Variants in DTNA observed in about 807,000 individuals in gnomAD.
DTNA encodes the protein dystrophin-related protein 3.
DTNA carries 43 observed loss-of-function variants against 100.7 expected under a neutral mutation model. The observed-to-expected ratio is 0.43, with a 90% CI of 0.33 to 0.55. The LOEUF (loss-of-function observed/expected upper bound fraction) is 0.55, where lower values mean the gene tolerates loss of function less well. DTNA is among the 20% of genes least tolerant of loss of function. DTNA has a pLI of 0.04. For missense variants in DTNA, 798 were observed against 953.9 expected (o/e 0.84, Z 2.15); for synonymous variants, 349 against 347.9 (o/e 1.00, Z -0.04).
chr18:34,583,154 T>C (rs969005145), intron 1 of DTNA, among the ~76,000 whole-genome samples: 1 of 152,202 alleles, frequency 6.6e-6, no homozygotes, highest in Admixed American at 6.5e-5. Flanking sequence ...ATGGAAGTCT[T>C]AATATAGGGA....
At chr18:34,559,518 A>G (rs985854464) in intron 1 of DTNA, among the ~76,000 whole-genome samples, 1 of 152,242 alleles carries the variant, frequency 6.6e-6, no homozygotes, top group African/African-American at 2.4e-5. Flanking sequence ...TATGTCTAAT[A>G]CTACGAAGAG....
At chr18:34,564,133 A>G (rs2046879766) in intron 1 of DTNA, among the ~76,000 whole-genome samples, 1 of 151,950 alleles carries the variant, frequency 6.6e-6, no homozygotes, top group Non-Finnish European at 1.5e-5. Flanking sequence ...CCCTTCGACC[A>G]ACATGTCCGT....
At chr18:34,792,709 G>A (rs1160708166) in intron 3 of DTNA, among the ~76,000 whole-genome samples, 1 of 152,202 alleles carries the variant, frequency 6.6e-6, no homozygotes, top group Non-Finnish European at 1.5e-5. Flanking sequence ...CTGCTGATGG[G>A]AATGTAAGAT....
Position 34,638,209 on chromosome 18 carries a change from G to A in DTNA, c.-1-117767G>A, listed in dbSNP as rs560905912. On this transcript the variant is annotated intron_variant, in intron 1 of 19. Coordinates refer to the DTNA transcript ENST00000283365. Reference sequence around the variant, plus strand: ...TCTGATGAACACTTTATTCTCTTAGGTATCCAAATACCCTAAGTGGAATTA... The same window carrying A: ...TCTGATGAACACTTTATTCTCTTAGATATCCAAATACCCTAAGTGGAATTA... Among the ~76,000 whole-genome samples, 96 of 152,218 alleles carry A rather than the reference G, an allele frequency of 6.3e-4. 1 individual carries two copies. Among genetic ancestry groups the A allele is most frequent in the Non-Finnish European group, 1.2e-3 (82 of 68,006 alleles).
intron 1 of DTNA, among the ~76,000 whole-genome samples, chr18:34,705,191 C>T (rs2081959659): frequency 6.6e-6 from 1 of 152,148 alleles, no homozygotes; most frequent in Non-Finnish European, 1.5e-5. Flanking sequence ...TTGTTTCCCA[C>T]AGAACAGATT....
chr18:34,539,880 T>G (rs2044082218), intron 1 of DTNA, among the ~76,000 whole-genome samples: 1 of 151,922 alleles, frequency 6.6e-6, no homozygotes, highest in Non-Finnish European at 1.5e-5. Flanking sequence ...AAAGATTTTT[T>G]CTACTTAAAT....
intron 1 of DTNA, among the ~76,000 whole-genome samples, chr18:34,614,319 T>C (rs1383784383): frequency 1.3e-5 from 2 of 152,190 alleles, no homozygotes; most frequent in Non-Finnish European, 2.9e-5. Flanking sequence ...TTCATGTCGT[T>C]TTCATGCTTC....
intron 17 of DTNA, chr18:34,868,881 C>T: frequency 1.4e-6 from 1 of 694,730 alleles, no homozygotes; most frequent in Non-Finnish European, 1.8e-6. Flanking sequence ...ATAAAAAGAA[C>T]ACTCATAAAA....
At chr18:34,571,314 G>A (rs2047564371) in intron 1 of DTNA, among the ~76,000 whole-genome samples, 1 of 152,156 alleles carries the variant, frequency 6.6e-6, no homozygotes, top group South Asian at 2.1e-4. Flanking sequence ...TTCCAGGGCT[G>A]AAAACCACTA....
chr18:34,788,258 C>T (rs2094578968), intron 3 of DTNA, among the ~76,000 whole-genome samples: 1 of 152,154 alleles, frequency 6.6e-6, no homozygotes, highest in African/African-American at 2.4e-5. Context: ...TTAATAACTT[C>T]TTAATGAATC....
chr18:34,521,616 G>C (rs116818022), intron 1 of DTNA, among the ~76,000 whole-genome samples: 3,554 of 152,028 alleles, frequency 0.023, 153 homozygotes, highest in African/African-American at 0.081. Flanking sequence ...CCGTCCCTCT[G>C]CTTCACTGCT....
At chr18:34,621,837 G>C (rs1185260163) in intron 1 of DTNA, among the ~76,000 whole-genome samples, 1 of 152,080 alleles carries the variant, frequency 6.6e-6, no homozygotes, top group Admixed American at 6.6e-5. Context: ...TAAAAAATAA[G>C]TATATGAAGT....
intron 10 of DTNA, 58 bp downstream of exon 10, chr18:34,827,734 G>C (rs906828544): frequency 4.5e-6 from 7 of 1,539,180 alleles, no homozygotes; most frequent in Non-Finnish European, 5.4e-6. Flanking sequence ...CCTTGATTCT[G>C]TGGTAAGAAA....
chr18:34,865,354 CCT>C (rs559230089), intron 17 of DTNA, among the ~76,000 whole-genome samples: 69 of 149,534 alleles, frequency 4.6e-4, no homozygotes, highest in Non-Finnish European at 8.0e-4. Context: ...TTGATTGCCC[CCT>C]CTTTCCTTCT....
chr18:34,769,445 A>G (rs541697395), intron 3 of DTNA, among the ~76,000 whole-genome samples: 2 of 152,310 alleles, frequency 1.3e-5, no homozygotes, highest in African/African-American at 2.4e-5. Context: ...ATACCTTATA[A>G]TGGAGTTTTT....
In DTNA at chr18:34,807,845, CT is replaced by C. The variant is rs1230693878; in HGVS notation, c.448+1551del. On this transcript the variant is annotated intron_variant, in intron 5 of 22. Transcript: ENST00000444659. ...AATTAGAAGGTGCTGACACCGAGGGCTTTTTTTTTTCTTTTTTTTTTTCAAA... is the reference window on the plus strand; with the variant it reads ...AATTAGAAGGTGCTGACACCGAGGGCTTTTTTTTTCTTTTTTTTTTTCAAA... Among the ~76,000 whole-genome samples, 23 of 111,174 alleles carry C rather than the reference CT, an allele frequency of 2.1e-4. No homozygotes were observed. In the South Asian group the frequency reaches 2.8e-3, roughly 14 times the overall value. 72.9% of individuals were successfully genotyped at this position (111,174 alleles called of 152,430 possible).
chr18:34,737,030 A>G (rs73946160), intron 1 of DTNA, among the ~76,000 whole-genome samples: 1,547 of 152,308 alleles, frequency 0.01, 18 homozygotes, highest in African/African-American at 0.032. Flanking sequence ...GGGAGTAGTG[A>G]AAGTTCATTT....
chr18:34,800,497 A>G (rs1029444153), intron 4 of DTNA, among the ~76,000 whole-genome samples: 16 of 152,202 alleles, frequency 1.1e-4, no homozygotes, highest in African/African-American at 3.9e-4. Context: ...GTGTTATAGT[A>G]GAGGCATGTT....
chr18:34,848,603 T>A (rs2149875396), intron 14 of DTNA, among the ~76,000 whole-genome samples: 1 of 152,248 alleles, frequency 6.6e-6, no homozygotes, highest in East Asian at 1.9e-4. Context: ...AGTGTGACCC[T>A]GGAGTCAAGC....
Sources: allele counts gnomAD v4.1 joint callset (sites outside exome capture counted in the v4.1 genomes callset), GRCh38; gene constraint gnomAD v4.1.1; transcripts MANE v1.5; gene names NCBI Gene and HGNC (gene_info 2026-07-23, HGNC 2026-07-21).